HAT1: variants seen among roughly 807,000 people sequenced by gnomAD.
The protein encoded by HAT1 is histone acetyltransferase type B catalytic subunit.
HAT1 carries 20 observed loss-of-function variants against 56.6 expected under a neutral mutation model. That is an observed-to-expected ratio of 0.35 (90% CI 0.25 to 0.51). HAT1 has a LOEUF of 0.51. Ranked by LOEUF, HAT1 falls within the 20% of genes least tolerant of loss-of-function variation. The probability of loss-of-function intolerance (pLI) is 0.95; values close to 1 mark genes in which losing one functional copy is unlikely to be tolerated. For synonymous variants in HAT1, 146 were observed against 165.5 expected (o/e 0.88, Z 0.91); for missense variants, 408 against 504.3 (o/e 0.81, Z 1.83).
In HAT1 at chr2:171,966,803, G is replaced by A. The variant is rs542771633; in HGVS notation, c.717-40G>A. On this transcript the variant is annotated intron_variant, in intron 7 of 10. Transcript: ENST00000264108. The stretch of plus-strand genomic sequence containing the variant: ...GATCTGCAGGTTTTAAACTGGTCAT[G>A]TTATGATATTTTAATTTTAAAATAA... 227 of 937,602 alleles carry A rather than the reference G, an allele frequency of 2.4e-4. 2 individuals are homozygous for A. In the South Asian group the frequency reaches 2.9e-3, roughly 12 times the overall value. 58.1% of individuals were successfully genotyped at this position (937,602 alleles called of 1,614,324 possible).
In HAT1 at chr2:171,952,890, T is replaced by G; in HGVS notation, c.198T>G (p.Ala66=). 1.3e-6 allele frequency: 2 copies of G among 1,584,952 alleles called. No homozygotes were observed. The highest frequency in any genetic ancestry group is 1.7e-6 in the Non-Finnish European group (2 of 1,165,632). Residue 66 remains alanine (A), a synonymous_variant, in exon 4 of 11, where the codon GCT becomes GCG. Coordinates refer to ENST00000264108, the MANE Select transcript of HAT1 (RefSeq NM_003642.4). The part of the protein sequence containing the change: ...THQLFGDDET[A]FGYKGLKILL... Reference sequence around the variant, plus strand: ...ATTTTTTCCATTTCAGTGAAACTGCTTTTGGTTACAAGGGTCTAAAGATCC... The same window carrying G: ...ATTTTTTCCATTTCAGTGAAACTGCGTTTGGTTACAAGGGTCTAAAGATCC...
chr2:171,925,754 A>G (rs1319264233), intron 2 of HAT1, 113 bp downstream of exon 2: 2 of 576,946 alleles, frequency 3.5e-6, no homozygotes, highest in African/African-American at 1.9e-5. Flanking sequence ...ATGCAAATGT[A>G]TGGTTTTCTG....
At chr2:171,953,757 G>A (rs1574051758) in intron 4 of HAT1, among the ~76,000 whole-genome samples, 1 of 151,950 alleles carries the variant, frequency 6.6e-6, no homozygotes, top group African/African-American at 2.4e-5. Flanking sequence ...CACTTTGGGA[G>A]GCCAAGGTGG....
At chr2:171,940,359 C>T (rs909936257) in intron 2 of HAT1, among the ~76,000 whole-genome samples, 2 of 152,156 alleles carry the variant, frequency 1.3e-5, no homozygotes, top group Non-Finnish European at 2.9e-5. Flanking sequence ...GTGACTCAAC[C>T]CTCTCTAACA....
intron 2 of HAT1, among the ~76,000 whole-genome samples, chr2:171,935,536 A>ACAAAAAAAAAAAAAAAAAAAAAAAAAAAG: frequency 7.2e-6 from 1 of 138,668 alleles, no homozygotes; most frequent in Non-Finnish European, 1.6e-5. Context: ...AAAAAAAAAA[A>ACAAAAAAAAAAAAAAAAAAAAAAAAAAAG]AAGACAAAAT....
intron 1 of HAT1, chr2:171,924,030 CAGTA>C (rs1462150931): frequency 6.6e-6 from 1 of 152,160 alleles, no homozygotes; most frequent in Non-Finnish European, 1.5e-5. Context: ...CTTACTAGCT[CAGTA>C]AGTGTGTGAA....
chr2:171,978,114 A>C (rs1007614176), intron 9 of HAT1, among the ~76,000 whole-genome samples: 2 of 145,404 alleles, frequency 1.4e-5, no homozygotes, highest in African/African-American at 5.2e-5. Flanking sequence ...GGTGGAGTAC[A>C]GTGGTGTAAT....
At chr2:171,943,022 A>G (rs1010100518) in intron 2 of HAT1, among the ~76,000 whole-genome samples, 5 of 151,776 alleles carry the variant, frequency 3.3e-5, no homozygotes, top group Admixed American at 1.3e-4. Context: ...TTCAAACATT[A>G]GAGATGTAGT....
Position 171,979,274 on chromosome 2 carries a change from C to T in HAT1, c.1003C>T (p.Leu335Phe). The change falls in exon 10 of 11, where the codon CTT becomes TTT. Residue 335 changes from leucine (L) to phenylalanine (F), a missense_variant. Leu to Phe is a conservative substitution (Grantham distance 22). Coordinates refer to ENST00000264108, the MANE Select transcript of HAT1 (RefSeq NM_003642.4). ...ACACGCTAGAAGGGTTTATGAAATT[C>T]TTCGACTACTGGTAACTGACATGAG... is the stretch of plus-strand genomic sequence containing the variant. Reference protein sequence around the residue: ...KQHARRVYEILRLLVTDMSDA... With the variant: ...KQHARRVYEIFRLLVTDMSDA... 1 of 1,583,774 alleles carries T rather than the reference C, an allele frequency of 6.3e-7. No individual in the cohort carries two copies. Among genetic ancestry groups the T allele is most frequent in the East Asian group, 2.2e-5 (1 of 44,744 alleles).
At chr2:171,932,597 G>C (rs959605188) in intron 2 of HAT1, among the ~76,000 whole-genome samples, 3 of 152,086 alleles carry the variant, frequency 2.0e-5, no homozygotes, top group African/African-American at 7.2e-5. Context: ...GCGAGGTGCA[G>C]TGGCTCAGAC....
intron 10 of HAT1, chr2:171,980,871 A>G (rs909633424): frequency 1.5e-5 from 2 of 130,118 alleles, no homozygotes; most frequent in African/African-American, 6.8e-5. Context: ...AAAAAAAAAA[A>G]TTTAAAAAAA....
At chr2:171,944,204 G>A (rs552715903) in intron 2 of HAT1, among the ~76,000 whole-genome samples, 7 of 151,754 alleles carry the variant, frequency 4.6e-5, no homozygotes, top group South Asian at 2.1e-4. Context: ...GCATTTAGTT[G>A]TAATGTTTCT....
chr2:171,974,778 A>G (rs1574067255), intron 8 of HAT1, among the ~76,000 whole-genome samples: 1 of 152,220 alleles, frequency 6.6e-6, no homozygotes, highest in Non-Finnish European at 1.5e-5. Context: ...GAGCGTTTTT[A>G]TCATGAATTG....
At chr2:171,936,684 C>G (rs775828049) in intron 2 of HAT1, among the ~76,000 whole-genome samples, 9 of 152,032 alleles carry the variant, frequency 5.9e-5, no homozygotes, top group Non-Finnish European at 1.3e-4. Context: ...ATTGTTTGTG[C>G]TGATGGGAAT....
chr2:171,979,955 A>C (rs1688092391), intron 10 of HAT1: 1 of 152,258 alleles, frequency 6.6e-6, no homozygotes, highest in Non-Finnish European at 1.5e-5. Flanking sequence ...CATCTCTACT[A>C]AAAATACAAA....
intron 2 of HAT1, among the ~76,000 whole-genome samples, chr2:171,940,654 A>G (rs1204259047): frequency 6.6e-6 from 1 of 152,054 alleles, no homozygotes; most frequent in Non-Finnish European, 1.5e-5. Flanking sequence ...TTCTTTTGAA[A>G]ACTCCAAAGG....
intron 6 of HAT1, 126 bp from the exon 7 acceptor site, chr2:171,966,283 A>G: frequency 1.4e-6 from 1 of 692,942 alleles, no homozygotes; most frequent in Non-Finnish European, 2.7e-6. Flanking sequence ...TAGCAGGTGT[A>G]CCCATTGGGC....
chr2:171,978,285 G>T (rs1688040927), intron 9 of HAT1, among the ~76,000 whole-genome samples: 1 of 151,980 alleles, frequency 6.6e-6, no homozygotes, highest in African/African-American at 2.4e-5. Context: ...AGGCTCAAGC[G>T]ATCTGCCCAC....
intron 2 of HAT1, among the ~76,000 whole-genome samples, chr2:171,942,361 C>T (rs1395433550): frequency 6.6e-6 from 1 of 152,018 alleles, no homozygotes; most frequent in Non-Finnish European, 1.5e-5. Context: ...CTCAAAATAC[C>T]TACCTCTGTA....
Sources: gnomAD v4.1 joint callset for allele counts (sites outside exome capture counted in the v4.1 genomes callset) on GRCh38, gnomAD v4.1.1 for gene constraint, MANE v1.5 for transcripts, NCBI Gene and HGNC (gene_info 2026-07-23, HGNC 2026-07-21) for gene names.